The following PTBP3 variants were observed in gnomAD, a reference collection of about 807,000 sequenced individuals.
PTBP3 encodes the protein polypyrimidine tract binding protein 3.
Under a neutral mutation model 58.7 loss-of-function variants are expected in PTBP3, and 20 were observed. The observed-to-expected ratio is 0.34, with a 90% CI of 0.24 to 0.50. The LOEUF (loss-of-function observed/expected upper bound fraction) is 0.50, where lower values mean the gene tolerates loss of function less well. PTBP3 is among the 20% of genes least tolerant of loss of function. The pLI, the probability that PTBP3 is intolerant of heterozygous loss-of-function variation, is 0.98. For synonymous variants in PTBP3, 185 were observed against 219.8 expected (o/e 0.84, Z 1.40); for missense variants, 509 against 637.2 (o/e 0.80, Z 2.17).
At chr9:112,347,950 C>T in the PTBP3 span, among the ~76,000 whole-genome samples, 1 of 152,162 alleles carries the variant, frequency 6.6e-6, no homozygotes, top group African/African-American at 2.4e-5. Flanking sequence ...ATTATGCACA[C>T]ACATATCCAC....
chr9:112,325,594 G>C lies in PTBP3; in HGVS notation c.-52+7876C>G, dbSNP rs574132972. Among the ~76,000 whole-genome samples the C allele has an allele frequency of 9.0e-3, 559 of 62,324 alleles. 5 individuals are homozygous for C. Among genetic ancestry groups the C allele is most frequent in the African/African-American group, 0.046 (540 of 11,756 alleles). The allele number at this position is 62,324 out of a possible 152,430, so 40.9% of individuals were successfully genotyped here. A position where few individuals can be genotyped will look rare whatever the true frequency, so the allele number is the denominator to read the frequency against. On this transcript the variant is annotated intron_variant, in intron 1 of 13. Coordinates refer to ENST00000374257, the MANE Select transcript of PTBP3 (RefSeq NM_001163788.4). ...ATATTCACATAGTGGAATTCTCACA[G>C]AAATTAAAAAAAAAAAAAGGAACTA...
chr9:112,330,308 T>C (rs535612000), intron 1 of PTBP3: 130 of 646,984 alleles, frequency 2.0e-4, no homozygotes, highest in Non-Finnish European at 4.5e-5. Context: ...TTACCTCAGG[T>C]CTACTTATTT....
intron 1 of PTBP3, among the ~76,000 whole-genome samples, chr9:112,332,264 T>C (rs962645176): frequency 1.3e-5 from 2 of 152,236 alleles, no homozygotes; most frequent in African/African-American, 4.8e-5. Context: ...TCCACTTTGA[T>C]GTCTGTAGCA....
chr9:112,246,834 A>G (rs1437842393), intron 7 of PTBP3, among the ~76,000 whole-genome samples: 1 of 152,206 alleles, frequency 6.6e-6, no homozygotes, highest in Non-Finnish European at 1.5e-5. Flanking sequence ...TTAATAAGTG[A>G]TCAAAGCTAA....
intron 1 of PTBP3, among the ~76,000 whole-genome samples, chr9:112,331,447 C>T (rs1276344062): frequency 6.6e-6 from 1 of 152,156 alleles, no homozygotes; most frequent in Non-Finnish European, 1.5e-5. Context: ...TTGTTAATAA[C>T]CTATGTCATC....
chr9:112,349,667 T>C, the PTBP3 span, among the ~76,000 whole-genome samples: 1 of 151,728 alleles, frequency 6.6e-6, no homozygotes, highest in African/African-American at 2.4e-5. Flanking sequence ...AGGACCAGCC[T>C]GGCCAACATG....
At position 112,277,972 on chromosome 9, in the gene PTBP3, AT is replaced by A. The variant is rs1564427726; in HGVS notation, c.35-1960del. 2.4e-3 allele frequency among the ~76,000 whole-genome samples: 336 copies of A among 139,602 alleles called. 1 individual carries two copies. Among genetic ancestry groups the A allele is most frequent in the African/African-American group, 8.4e-3 (323 of 38,324 alleles). 91.6% of individuals were successfully genotyped at this position (139,602 alleles called of 152,430 possible). A position where few individuals can be genotyped will look rare whatever the true frequency, so the allele number is the denominator to read the frequency against. On this transcript the variant is annotated intron_variant, in intron 2 of 13. Transcript: ENST00000374257. Reference sequence around the variant, plus strand: ...ATAACATAACATAACATAACATAACATAACATAATGTATATCATGTCATTAT... The same window carrying A: ...ATAACATAACATAACATAACATAACAAACATAATGTATATCATGTCATTAT...
At chr9:112,310,243 GT>G (rs1829420187) in intron 1 of PTBP3, among the ~76,000 whole-genome samples, 1 of 152,170 alleles carries the variant, frequency 6.6e-6, no homozygotes, top group South Asian at 2.1e-4. Context: ...AAAAACTACT[GT>G]TTGGACACAG....
Position 112,297,820 on chromosome 9 carries a change from A to AAAC in PTBP3, c.34+11_34+12insGTT, listed in dbSNP as rs1554800864. The AAAC allele has an allele frequency of 1.5e-5, 23 of 1,495,524 alleles. No homozygotes were observed. The highest frequency in any genetic ancestry group is 2.6e-5 in the South Asian group (2 of 77,364). The allele number at this position is 1,495,524 out of a possible 1,614,324, so 92.6% of individuals were successfully genotyped here. ...ACAGAAATCAAATATTAAAAAAAAAAAAAAAACTCACCATACACACCTGTA... is the reference window on the plus strand; with the variant it reads ...ACAGAAATCAAATATTAAAAAAAAAAAACAAAAAACTCACCATACACACCTGTA... On this transcript the variant is annotated intron_variant, in intron 2 of 13. Transcript: ENST00000374257.
intron 1 of PTBP3, chr9:112,332,945 C>T: frequency 6.7e-7 from 1 of 1,496,890 alleles, no homozygotes; most frequent in South Asian, 1.4e-5. Context: ...TGGGACCCCG[C>T]GTGGGACCAT....
intron 9 of PTBP3, 99 bp downstream of exon 9, chr9:112,232,000 A>G (rs1419270602): frequency 3.2e-6 from 2 of 621,286 alleles, no homozygotes; most frequent in Admixed American, 8.9e-5. Context: ...AGAAGAGAAG[A>G]GAAGAGAAGA....
intron 3 of PTBP3, among the ~76,000 whole-genome samples, chr9:112,274,443 A>C (rs1209923222): frequency 6.6e-6 from 1 of 152,200 alleles, no homozygotes; most frequent in Non-Finnish European, 1.5e-5. Context: ...AACAGTATAA[A>C]AGATTTTTAG....
intron 5 of PTBP3, among the ~76,000 whole-genome samples, chr9:112,255,174 C>T (rs1049929459): frequency 6.6e-6 from 1 of 151,668 alleles, no homozygotes. Flanking sequence ...TCACAGAGAC[C>T]GAAAATAGAC....
intron 1 of PTBP3, among the ~76,000 whole-genome samples, chr9:112,309,476 AC>A (rs992516352): frequency 9.2e-5 from 14 of 152,110 alleles, no homozygotes; most frequent in African/African-American, 3.4e-4. Context: ...GATGTTCAAA[AC>A]TTTTTTTCTT....
intron 5 of PTBP3, among the ~76,000 whole-genome samples, chr9:112,258,458 C>A (rs568396187): frequency 8.6e-5 from 13 of 151,544 alleles, no homozygotes; most frequent in Admixed American, 2.6e-4. Flanking sequence ...TTTATCATCT[C>A]CCACTTGAAT....
chr9:112,372,713 G>A, the PTBP3 span, among the ~76,000 whole-genome samples: 1 of 151,978 alleles, frequency 6.6e-6, no homozygotes, highest in South Asian at 2.1e-4. Context: ...CGTTTTTGAG[G>A]TTCATTCATA....
At chr9:112,319,819 A>G (rs936575362) in intron 1 of PTBP3, among the ~76,000 whole-genome samples, 5 of 152,222 alleles carry the variant, frequency 3.3e-5, no homozygotes, top group Admixed American at 6.5e-5. Context: ...TGTGGTATAC[A>G]TGTACAATGG....
At chr9:112,332,906 G>A (rs1830436488) in intron 1 of PTBP3, 26 of 1,583,356 alleles carry the variant, frequency 1.6e-5, no homozygotes, top group Middle Eastern at 3.5e-4. Flanking sequence ...CACAAGTCGG[G>A]AGACCTCGGC....
the PTBP3 span, among the ~76,000 whole-genome samples, chr9:112,371,052 T>A: frequency 6.6e-6 from 1 of 152,220 alleles, no homozygotes; most frequent in Non-Finnish European, 1.5e-5. Context: ...TATAAGATCA[T>A]GTCATCTGCA....
Sources: allele counts gnomAD v4.1 joint callset (sites outside exome capture counted in the v4.1 genomes callset), GRCh38; gene constraint gnomAD v4.1.1; transcripts MANE v1.5; gene names NCBI Gene and HGNC (gene_info 2026-07-23, HGNC 2026-07-21).